The following ANKRD30BL variants were observed in gnomAD, a reference collection of about 807,000 sequenced individuals.
ANKRD30BL encodes putative ankyrin repeat domain-containing protein 30B-like.
In ANKRD30BL, 20 loss-of-function variants were observed where a neutral mutation model predicts 18.4. That is an observed-to-expected ratio of 1.09 (90% CI 0.77 to 1.58). The LOEUF is 1.58. Among genes scored for constraint, ANKRD30BL ranks in the 40% most tolerant of loss-of-function variants. The pLI, the probability that ANKRD30BL is intolerant of heterozygous loss-of-function variation, is 0.00. For missense variants in ANKRD30BL, 224 were observed against 268.6 expected (o/e 0.83, Z 1.16); for synonymous variants, 72 against 100.9 (o/e 0.71, Z 1.72).
At chr2:132,162,961 C>T (rs936802383), upstream of ANKRD30BL, among the ~76,000 whole-genome samples, 1 of 152,158 alleles carries the variant, frequency 6.6e-6, no homozygotes, top group Non-Finnish European at 1.5e-5. Context: ...GTTTAGAGGG[C>T]TTCAAGGTTC....
intron 1 of ANKRD30BL, among the ~76,000 whole-genome samples, chr2:132,159,019 G>T (rs186022415): frequency 2.0e-5 from 3 of 151,924 alleles, no homozygotes; most frequent in African/African-American, 7.2e-5. Flanking sequence ...TAATAGCATT[G>T]TACATGCTCA....
At chr2:132,199,491 C>G (rs571261136) in intron 1 of ANKRD30BL, among the ~76,000 whole-genome samples, 3 of 151,826 alleles carry the variant, frequency 2.0e-5, no homozygotes, top group African/African-American at 7.2e-5. Context: ...TAATTTCTTT[C>G]TTTCTTTTCT....
chr2:132,199,003 T>A (rs1185140219), intron 1 of ANKRD30BL, among the ~76,000 whole-genome samples: 1 of 152,178 alleles, frequency 6.6e-6, no homozygotes, highest in East Asian at 1.9e-4. Context: ...GCTGAAGTTA[T>A]AAAATTACTT....
chr2:132,183,098 T>C (rs1346712432), intron 1 of ANKRD30BL, among the ~76,000 whole-genome samples: 1 of 151,614 alleles, frequency 6.6e-6, no homozygotes, highest in African/African-American at 2.4e-5. Flanking sequence ...CATGAGGCAC[T>C]AAATTCCTTG....
intron 1 of ANKRD30BL, among the ~76,000 whole-genome samples, chr2:132,212,949 T>C (rs1187419375): frequency 1.3e-5 from 2 of 151,974 alleles, no homozygotes; most frequent in Non-Finnish European, 2.9e-5. Context: ...TTTGGAGCGA[T>C]TTGCAGCCTG....
intron 1 of ANKRD30BL, among the ~76,000 whole-genome samples, chr2:132,211,582 A>G (rs1474804733): frequency 6.6e-6 from 1 of 151,964 alleles, no homozygotes; most frequent in African/African-American, 2.4e-5. Flanking sequence ...TAACAACTAG[A>G]CAGACGCATT....
At chr2:132,222,043 C>CGG (rs763901690) in intron 1 of ANKRD30BL, among the ~76,000 whole-genome samples, 12 of 44,466 alleles carry the variant, frequency 2.7e-4, no homozygotes, top group South Asian at 8.6e-4. Flanking sequence ...GGGAGGGAGG[C>CGG]GGGGGGGGGG....
At chr2:132,188,176 G>T (rs1361792999) in intron 1 of ANKRD30BL, among the ~76,000 whole-genome samples, 5 of 150,850 alleles carry the variant, frequency 3.3e-5, no homozygotes, top group African/African-American at 4.9e-5. Context: ...CTCTTTAGAC[G>T]CAGAGGCATA....
chr2:132,257,218 C>G (rs1240630080), intron 1 of ANKRD30BL: 13 of 409,046 alleles, frequency 3.2e-5, no homozygotes, highest in Admixed American at 5.8e-5. Flanking sequence ...GACCGGCATG[C>G]CCCCCACTTG....
intron 1 of ANKRD30BL, among the ~76,000 whole-genome samples, chr2:132,234,464 A>G (rs1253671372): frequency 6.6e-6 from 1 of 152,158 alleles, no homozygotes; most frequent in African/African-American, 2.4e-5. Context: ...AAAAAAAGAG[A>G]GAAGAATCAA....
rs553540902 is a variant in ANKRD30BL, at chr2:132,208,760, G to A, written n.441+48769C>T. ...TCAGATAGGATTCCAGTACACAGTGGCTGGATTCTGAGTGTTTGTCCCTCA... is the reference window on the plus strand; with the variant it reads ...TCAGATAGGATTCCAGTACACAGTGACTGGATTCTGAGTGTTTGTCCCTCA... On this transcript the variant is annotated intron_variant and non_coding_transcript_variant, in intron 1 of 4. Transcript: ENST00000470729. 5.4e-4 allele frequency among the ~76,000 whole-genome samples: 82 copies of A among 150,594 alleles called. No homozygotes were observed. The East Asian group carries it at 0.015, about 27-fold the overall frequency.
chr2:132,184,446 C>A (rs1388034314), intron 1 of ANKRD30BL, among the ~76,000 whole-genome samples: 1 of 152,138 alleles, frequency 6.6e-6, no homozygotes, highest in East Asian at 1.9e-4. Flanking sequence ...ATGTTCCAGA[C>A]TTTAGCATGG....
chr2:132,255,573 G>A lies in ANKRD30BL; in HGVS notation n.441+1956C>T, dbSNP rs540746793. Among the ~76,000 whole-genome samples, 17 of 152,116 alleles carry A rather than the reference G, an allele frequency of 1.1e-4. No homozygotes were observed. In the East Asian group the frequency reaches 3.1e-3, roughly 28 times the overall value. On this transcript the variant is annotated intron_variant and non_coding_transcript_variant, in intron 1 of 4. Coordinates refer to the ANKRD30BL transcript ENST00000470729. ...ACGCTATTGGAGCTGGAATTACCACGGCTGCTGGCACCAGACTTGCCCTCC... is the reference window on the plus strand; with the variant it reads ...ACGCTATTGGAGCTGGAATTACCACAGCTGCTGGCACCAGACTTGCCCTCC...
chr2:132,230,747 A>G (rs1177528568), intron 1 of ANKRD30BL, among the ~76,000 whole-genome samples: 1 of 151,532 alleles, frequency 6.6e-6, no homozygotes, highest in Non-Finnish European at 1.5e-5. Context: ...GATTTGAAAC[A>G]CTCTTTTTTT....
In ANKRD30BL at chr2:132,198,256, CTTCTTTCTTTCTTTTCT is replaced by C. The variant is rs1359058396; in HGVS notation, n.442-41127_442-41111del. ...TTTTCTCTTTCATAATTTACTATAC[CTTCTTTCTTTCTTTTCT>C]TTCTTTCTTTCTTTCTTTCTTTCTT... On this transcript the variant is annotated intron_variant and non_coding_transcript_variant, in intron 1 of 4. Transcript: ENST00000470729. Among the ~76,000 whole-genome samples, 322 of 137,022 alleles carry C rather than the reference CTTCTTTCTTTCTTTTCT, an allele frequency of 2.3e-3. 21 individuals carry two copies. The highest frequency in any genetic ancestry group is 9.5e-3 in the African/African-American group (306 of 32,170). 89.9% of individuals were successfully genotyped at this position (137,022 alleles called of 152,430 possible). A position where few individuals can be genotyped will look rare whatever the true frequency, so the allele number is the denominator to read the frequency against.
At chr2:132,152,030 T>C (rs1687769915) in intron 4 of ANKRD30BL, among the ~76,000 whole-genome samples, 1 of 152,206 alleles carries the variant, frequency 6.6e-6, no homozygotes, top group Non-Finnish European at 1.5e-5. Context: ...AAGATGCAAG[T>C]TGGTATTTTC....
At chr2:132,150,221 A>C (rs1220374559) in intron 5 of ANKRD30BL, among the ~76,000 whole-genome samples, 2 of 151,380 alleles carry the variant, frequency 1.3e-5, no homozygotes, top group African/African-American at 4.9e-5. Context: ...ATGTCTCTAC[A>C]ATAAAGAAAC....
intron 1 of ANKRD30BL, among the ~76,000 whole-genome samples, chr2:132,182,326 C>CA (rs1688482278): frequency 6.6e-6 from 1 of 150,508 alleles, no homozygotes; most frequent in South Asian, 2.1e-4. Flanking sequence ...ACTAAAAACA[C>CA]AAAAAATTAG....
At chr2:132,206,809 G>A (rs200492579) in intron 1 of ANKRD30BL, among the ~76,000 whole-genome samples, 70 of 152,198 alleles carry the variant, frequency 4.6e-4, no homozygotes, top group African/African-American at 1.6e-3. Flanking sequence ...TTAAATGAAG[G>A]AGTTAGCAGT....
Sources: gnomAD v4.1 joint callset for allele counts (sites outside exome capture counted in the v4.1 genomes callset) on GRCh38, gnomAD v4.1.1 for gene constraint, MANE v1.5 for transcripts, NCBI Gene and HGNC (gene_info 2026-07-23, HGNC 2026-07-21) for gene names.